Variants in YAP1 observed in about 807,000 individuals in gnomAD.
The protein encoded by YAP1 is transcriptional coactivator YAP1.
Under a neutral mutation model 56.9 loss-of-function variants are expected in YAP1, and 5 were observed. The ratio of observed to expected loss-of-function variants is 0.09; its 90% CI spans 0.05 to 0.18. YAP1 has a LOEUF of 0.18. Ranked by LOEUF, YAP1 falls within the 10% of genes least tolerant of loss-of-function variation. The pLI is 1.00. For synonymous variants in YAP1, 265 were observed against 248.1 expected, an observed-to-expected ratio of 1.07 and a Z score of -0.64; for missense variants, 539 against 651.8, an observed-to-expected ratio of 0.83 and a Z score of 1.88.
intron 3 of YAP1, among the ~76,000 whole-genome samples, chr11:102,168,362 A>G (rs1200569855): frequency 6.6e-6 from 1 of 152,210 alleles, no homozygotes; most frequent in Non-Finnish European, 1.5e-5. Flanking sequence ...AGGATCAATA[A>G]AAGTTATGTC....
intron 2 of YAP1, among the ~76,000 whole-genome samples, chr11:102,141,771 A>G (rs1945039268): frequency 6.6e-6 from 1 of 152,142 alleles, no homozygotes; most frequent in Non-Finnish European, 1.5e-5. Flanking sequence ...ATTCTCCTCC[A>G]CTAGATGTGG....
At chr11:102,112,016 G>A (rs1485844195) in intron 1 of YAP1, among the ~76,000 whole-genome samples, 3 of 152,134 alleles carry the variant, frequency 2.0e-5, no homozygotes, top group Non-Finnish European at 4.4e-5. Context: ...GTCGCGTGTT[G>A]GTTTCCCAGT....
chr11:102,218,884 C>CA (rs913813099), intron 6 of YAP1, among the ~76,000 whole-genome samples: 1 of 152,214 alleles, frequency 6.6e-6, no homozygotes, highest in African/African-American at 2.4e-5. Context: ...CGGCTTTTAA[C>CA]AAACATAGTG....
chr11:102,184,707 T>C (rs1242537437), intron 3 of YAP1, among the ~76,000 whole-genome samples: 1 of 152,202 alleles, frequency 6.6e-6, no homozygotes, highest in East Asian at 1.9e-4. Context: ...GCATCACCCA[T>C]GAGACTGGTG....
chr11:102,213,988 G>A (rs1270599758), intron 6 of YAP1, among the ~76,000 whole-genome samples: 1 of 152,194 alleles, frequency 6.6e-6, no homozygotes, highest in Non-Finnish European at 1.5e-5. Context: ...TGAGGTGGGA[G>A]GATGGCCTGA....
At chr11:102,125,324 A>G (rs1438858949) in intron 2 of YAP1, among the ~76,000 whole-genome samples, 1 of 135,290 alleles carries the variant, frequency 7.4e-6, no homozygotes, top group African/African-American at 2.8e-5. Context: ...GCCTGGCCTG[A>G]TTTTCTTTTT....
chr11:102,202,334 ATTTTTTT>A (rs34528413), intron 4 of YAP1, among the ~76,000 whole-genome samples: 1 of 131,008 alleles, frequency 7.6e-6, no homozygotes, highest in Non-Finnish European at 1.6e-5. Flanking sequence ...CACCTGGCTA[ATTTTTTT>A]TTTTTTTTTT....
intron 3 of YAP1, among the ~76,000 whole-genome samples, chr11:102,172,504 C>A (rs1591312316): frequency 4.9e-5 from 6 of 122,478 alleles, no homozygotes; most frequent in African/African-American, 9.2e-5. Context: ...TTGGTAGAGA[C>A]AAAAGGTGGG....
At chr11:102,135,687 G>T (rs187186958) in intron 2 of YAP1, among the ~76,000 whole-genome samples, 62 of 152,254 alleles carry the variant, frequency 4.1e-4, no homozygotes, top group African/African-American at 1.3e-3. Context: ...GACCAGAATG[G>T]ATTCAAGCCA....
At chr11:102,132,551 C>G (rs1278713715) in intron 2 of YAP1, among the ~76,000 whole-genome samples, 3 of 152,180 alleles carry the variant, frequency 2.0e-5, no homozygotes, top group Admixed American at 6.5e-5. Flanking sequence ...ACATTGTTAA[C>G]TATAATTGTA....
At chr11:102,112,146 C>T (rs566961605) in intron 1 of YAP1, among the ~76,000 whole-genome samples, 1 of 152,330 alleles carries the variant, frequency 6.6e-6, no homozygotes, top group East Asian at 1.9e-4. Context: ...TGATAATACA[C>T]TGCAGGTTGA....
intron 1 of YAP1, chr11:102,112,810 G>T (rs1484910162): frequency 3.1e-6 from 3 of 975,468 alleles, no homozygotes; most frequent in Non-Finnish European, 3.7e-6. Context: ...ATGTATGTTG[G>T]CATGCACCCT....
intron 2 of YAP1, among the ~76,000 whole-genome samples, chr11:102,137,872 C>G (rs1483796146): frequency 6.6e-6 from 1 of 151,120 alleles, no homozygotes; most frequent in African/African-American, 2.4e-5. Context: ...TGGAAGGGAA[C>G]TAAGTTCTTT....
chr11:102,207,100 A>C (rs547317471), intron 5 of YAP1, among the ~76,000 whole-genome samples: 1 of 152,248 alleles, frequency 6.6e-6, no homozygotes, highest in East Asian at 1.9e-4. Flanking sequence ...ATTGGAGATA[A>C]GGTCTTTTGT....
chr11:102,179,113 A>G (rs1344136704), intron 3 of YAP1, among the ~76,000 whole-genome samples: 2 of 129,130 alleles, frequency 1.5e-5, no homozygotes, highest in African/African-American at 5.8e-5. Context: ...CCATTTCACT[A>G]TGAAATTTGG....
intron 2 of YAP1, among the ~76,000 whole-genome samples, chr11:102,134,444 T>C (rs1213091644): frequency 1.3e-5 from 2 of 150,046 alleles, no homozygotes; most frequent in South Asian, 2.1e-4. Context: ...CCTAATATGC[T>C]ATGTTATGGC....
intron 2 of YAP1, among the ~76,000 whole-genome samples, chr11:102,128,973 T>C (rs1944208750): frequency 6.6e-6 from 1 of 151,890 alleles, no homozygotes; most frequent in South Asian, 2.1e-4. Flanking sequence ...CTCGCTTCCC[T>C]ATCCCCAAAC....
At chr11:102,128,378 A>T (rs761921537) in intron 2 of YAP1, among the ~76,000 whole-genome samples, 1 of 152,094 alleles carries the variant, frequency 6.6e-6, no homozygotes, top group Non-Finnish European at 1.5e-5. Context: ...TGATGGGTTT[A>T]TCAGGGGTTT....
chr11:102,134,763 T>C (rs1038897122), intron 2 of YAP1, among the ~76,000 whole-genome samples: 2 of 152,024 alleles, frequency 1.3e-5, no homozygotes, highest in African/African-American at 4.8e-5. Context: ...GGTTGGAGTA[T>C]AGTGGCCTGA....
Sources: gnomAD v4.1 joint callset for allele counts (sites outside exome capture counted in the v4.1 genomes callset) on GRCh38, gnomAD v4.1.1 for gene constraint, MANE v1.5 for transcripts, NCBI Gene and HGNC (gene_info 2026-07-23, HGNC 2026-07-21) for gene names.